Variants in DACH1 observed in about 807,000 individuals in gnomAD.
The protein encoded by DACH1 is dachshund homolog 1.
In DACH1, 12 loss-of-function variants were observed where a neutral mutation model predicts 54.2. The observed-to-expected ratio is 0.22, with a 90% confidence interval of 0.14 to 0.36. The LOEUF is 0.36. Ranked by LOEUF, DACH1 falls within the 10% of genes least tolerant of loss-of-function variation. The probability of loss-of-function intolerance (pLI) is 1.00; values close to 1 mark genes in which losing one functional copy is unlikely to be tolerated. For missense variants in DACH1, 805 were observed against 929.8 expected (o/e 0.87, Z 1.75); for synonymous variants, 386 against 366.2 (o/e 1.05, Z -0.62).
chr13:71,628,028 T>C (rs1377409012), intron 3 of DACH1, among the ~76,000 whole-genome samples: 1 of 152,102 alleles, frequency 6.6e-6, no homozygotes, highest in Non-Finnish European at 1.5e-5. Context: ...ATGTGACAAG[T>C]ATTTTAATTC....
At chr13:71,782,196 T>C (rs1164668611) in intron 1 of DACH1, among the ~76,000 whole-genome samples, 5 of 152,160 alleles carry the variant, frequency 3.3e-5, no homozygotes, top group Admixed American at 3.3e-4. Context: ...ATCCCAGCAC[T>C]TTAGGAGGCC....
At chr13:71,542,142 T>G (rs1883172739) in intron 6 of DACH1, among the ~76,000 whole-genome samples, 1 of 151,678 alleles carries the variant, frequency 6.6e-6, no homozygotes, top group Non-Finnish European at 1.5e-5. Flanking sequence ...CCCAGCTACT[T>G]AGTAGGCTGA....
At chr13:71,695,666 G>C (rs992078795) in intron 1 of DACH1, among the ~76,000 whole-genome samples, 6 of 152,170 alleles carry the variant, frequency 3.9e-5, no homozygotes, top group African/African-American at 1.4e-4. Context: ...CATCTGCAAA[G>C]AATCAGTGAG....
intron 6 of DACH1, among the ~76,000 whole-genome samples, chr13:71,535,259 T>C (rs548162585): frequency 9.6e-4 from 146 of 152,044 alleles, no homozygotes; most frequent in Middle Eastern, 3.4e-3. Context: ...TTATAGATGT[T>C]GCATTTTTAG....
chr13:71,533,042 C>T (rs908372465), intron 6 of DACH1, among the ~76,000 whole-genome samples: 1 of 151,350 alleles, frequency 6.6e-6, no homozygotes, highest in Non-Finnish European at 1.5e-5. Flanking sequence ...CCTGCTTGTA[C>T]CGATAAACCA....
chr13:71,584,866 T>A (rs1164250371), intron 3 of DACH1, among the ~76,000 whole-genome samples: 1 of 152,096 alleles, frequency 6.6e-6, no homozygotes, highest in Non-Finnish European at 1.5e-5. Context: ...AAGATTATTA[T>A]GCAGTCATAT....
intron 2 of DACH1, among the ~76,000 whole-genome samples, chr13:71,647,358 A>G (rs973201402): frequency 2.1e-4 from 32 of 152,228 alleles, no homozygotes; most frequent in Admixed American, 2.0e-3. Flanking sequence ...AGTTAGATAA[A>G]TCAGGAAATC....
At chr13:71,567,472 G>T (rs762982957) in intron 4 of DACH1, among the ~76,000 whole-genome samples, 8 of 152,008 alleles carry the variant, frequency 5.3e-5, no homozygotes, top group Middle Eastern at 3.4e-3. Context: ...AGAGACAGAG[G>T]TCTCACCATA....
chr13:71,689,847 C>T (rs1881383962), intron 1 of DACH1, among the ~76,000 whole-genome samples: 1 of 151,984 alleles, frequency 6.6e-6, no homozygotes, highest in South Asian at 2.1e-4. Context: ...ATAATCTCGC[C>T]CTCGCCCTCG....
intron 2 of DACH1, among the ~76,000 whole-genome samples, chr13:71,669,043 C>T (rs997670337): frequency 1.3e-5 from 2 of 152,306 alleles, no homozygotes; most frequent in South Asian, 4.1e-4. Flanking sequence ...AGATAAATAA[C>T]TGGTATTCCA....
intron 1 of DACH1, among the ~76,000 whole-genome samples, chr13:71,708,293 A>G (rs1882544528): frequency 6.6e-6 from 1 of 152,206 alleles, no homozygotes; most frequent in African/African-American, 2.4e-5. Flanking sequence ...GACTTGATTG[A>G]ATCAAAGCAG....
intron 3 of DACH1, among the ~76,000 whole-genome samples, chr13:71,625,193 T>G (rs1876555096): frequency 1.3e-5 from 2 of 151,936 alleles, no homozygotes; most frequent in African/African-American, 2.4e-5. Context: ...TATAGCAGCA[T>G]CATCTGTTTG....
intron 3 of DACH1, among the ~76,000 whole-genome samples, chr13:71,629,388 C>T (rs1876910670): frequency 6.6e-6 from 1 of 152,250 alleles, no homozygotes; most frequent in South Asian, 2.1e-4. Flanking sequence ...TGGTCCTTTG[C>T]AATTTCCCTT....
chr13:71,848,312 G>T (rs542923848), intron 1 of DACH1, among the ~76,000 whole-genome samples: 120 of 152,028 alleles, frequency 7.9e-4, no homozygotes, highest in African/African-American at 2.7e-3. Context: ...AATTTTCTTT[G>T]AAAGTTAGTG....
intron 10 of DACH1, among the ~76,000 whole-genome samples, chr13:71,441,858 T>A (rs1259860224): frequency 6.6e-6 from 1 of 152,020 alleles, no homozygotes; most frequent in Non-Finnish European, 1.5e-5. Flanking sequence ...ATTCCTCTCA[T>A]TTTTTTCTAT....
intron 4 of DACH1, among the ~76,000 whole-genome samples, chr13:71,570,578 T>C (rs1028775820): frequency 2.6e-5 from 4 of 152,216 alleles, no homozygotes; most frequent in East Asian, 1.9e-4. Context: ...AATCTGCATG[T>C]AACCAAGTTT....
At chr13:71,520,468 T>C (rs1265215412) in intron 6 of DACH1, among the ~76,000 whole-genome samples, 1 of 148,230 alleles carries the variant, frequency 6.7e-6, no homozygotes, top group Non-Finnish European at 1.5e-5. Flanking sequence ...GAGAAAAAAA[T>C]TAAAGGAGAT....
intron 4 of DACH1, among the ~76,000 whole-genome samples, chr13:71,561,779 CTTT>C (rs969577303): frequency 1.6e-4 from 25 of 152,138 alleles, no homozygotes; most frequent in Admixed American, 1.4e-3. Context: ...TTGAGCTGTA[CTTT>C]TGTCACACTC....
At chr13:71,481,328 C>A (rs1253590727) in intron 7 of DACH1, among the ~76,000 whole-genome samples, 1 of 152,030 alleles carries the variant, frequency 6.6e-6, no homozygotes, top group African/African-American at 2.4e-5. Context: ...CCTTGGCTGA[C>A]AAAACACAAT....
Sources: gnomAD v4.1 joint callset for allele counts (sites outside exome capture counted in the v4.1 genomes callset) on GRCh38, gnomAD v4.1.1 for gene constraint, MANE v1.5 for transcripts, NCBI Gene and HGNC (gene_info 2026-07-23, HGNC 2026-07-21) for gene names.